AMPH: variants seen among roughly 807,000 people sequenced by gnomAD.
The protein encoded by AMPH is amphiphysin (Stiff-Mann syndrome with breast cancer 128kD autoantigen).
Under a neutral mutation model 99.1 loss-of-function variants are expected in AMPH, and 49 were observed. The ratio of observed to expected loss-of-function variants is 0.49; its 90% CI spans 0.39 to 0.63. The LOEUF is 0.63. AMPH is among the 20% of genes least tolerant of loss of function. The probability of loss-of-function intolerance (pLI) is 0.00; values close to 1 mark genes in which losing one functional copy is unlikely to be tolerated. For missense variants in AMPH, 759 were observed against 863.4 expected, an observed-to-expected ratio of 0.88 and a Z score of 1.52; for synonymous variants, 314 against 317.3, an observed-to-expected ratio of 0.99 and a Z score of 0.11.
chr7:38,510,175 C>T (rs899856991), intron 2 of AMPH, among the ~76,000 whole-genome samples: 4 of 152,118 alleles, frequency 2.6e-5, no homozygotes, highest in East Asian at 1.9e-4. Context: ...AGTTTCCCCC[C>T]GTGGCCTCTC....
At chr7:38,597,093 C>T (rs1235928747) in intron 1 of AMPH, among the ~76,000 whole-genome samples, 1 of 152,130 alleles carries the variant, frequency 6.6e-6, no homozygotes, top group Non-Finnish European at 1.5e-5. Context: ...AACCTCTGAG[C>T]TGACTATCAA....
intron 1 of AMPH, among the ~76,000 whole-genome samples, chr7:38,560,675 ATGTT>A (rs1385588841): frequency 6.6e-6 from 1 of 152,158 alleles, no homozygotes; most frequent in Non-Finnish European, 1.5e-5. Flanking sequence ...AGCACAATGC[ATGTT>A]TGTTTGTTTT....
intron 11 of AMPH, among the ~76,000 whole-genome samples, chr7:38,447,739 AACAG>A (rs3056234): frequency 0.091 from 12,984 of 143,152 alleles, 761 homozygotes; most frequent in Middle Eastern, 0.18. Context: ...GCTGCATGCA[AACAG>A]ACAGATAAAC....
intron 1 of AMPH, among the ~76,000 whole-genome samples, chr7:38,595,639 G>A (rs754968823): frequency 2.0e-5 from 3 of 152,170 alleles, no homozygotes; most frequent in Non-Finnish European, 4.4e-5. Context: ...ATTGCTTGAT[G>A]CTAAGGTTTG....
intron 12 of AMPH, among the ~76,000 whole-genome samples, chr7:38,434,018 G>A (rs1255261795): frequency 6.6e-6 from 1 of 152,108 alleles, no homozygotes; most frequent in African/African-American, 2.4e-5. Flanking sequence ...ACCTAACAGT[G>A]CTATGCTTTT....
chr7:38,496,466 G>A (rs1169288320), intron 3 of AMPH, among the ~76,000 whole-genome samples: 1 of 152,080 alleles, frequency 6.6e-6, no homozygotes, highest in African/African-American at 2.4e-5. Flanking sequence ...ACCATCGGAC[G>A]AAGCCCTTGC....
At chr7:38,449,975 T>C (rs1228896990) in intron 11 of AMPH, among the ~76,000 whole-genome samples, 1 of 152,190 alleles carries the variant, frequency 6.6e-6, no homozygotes, top group Non-Finnish European at 1.5e-5. Flanking sequence ...TCAGTTCAAT[T>C]GGCTAGGGAA....
intron 2 of AMPH, among the ~76,000 whole-genome samples, chr7:38,507,235 A>AT (rs1009263284): frequency 3.3e-5 from 5 of 152,268 alleles, no homozygotes; most frequent in South Asian, 2.1e-4. Flanking sequence ...TCTAGAAGAG[A>AT]TTTTTTATAT....
chr7:38,408,750 CAAA>C (rs66957354), intron 17 of AMPH, among the ~76,000 whole-genome samples: 5,794 of 100,760 alleles, frequency 0.058, 317 homozygotes, highest in East Asian at 0.37. Context: ...GACTCCATCA[CAAA>C]AAAAAAAAAA....
intron 1 of AMPH, among the ~76,000 whole-genome samples, chr7:38,605,621 G>A (rs13241411): frequency 0.56 from 84,388 of 151,940 alleles, 24,004 homozygotes; most frequent in African/African-American, 0.6. Context: ...TTGTCCCCAA[G>A]CAGGAGTGCA....
Position 38,394,199 on chromosome 7 carries a change from C to A in AMPH, c.1414G>T (p.Asp472Tyr). 1 of 1,614,184 alleles carries A rather than the reference C, an allele frequency of 6.2e-7. No homozygotes were observed. The highest frequency in any genetic ancestry group is 1.3e-5 in the African/African-American group (1 of 75,066). Residue 472 changes from aspartate to tyrosine, a missense_variant, in exon 18 of 21, where the codon GAT becomes TAT. Asp to Tyr is a radical substitution (Grantham distance 160). Transcript: ENST00000356264. ...AAGGTTCCAACAGCTGCATCAGCATCAGCTCCAGGTATGATCTGCAGGGCA... is the reference window on the plus strand; with the variant it reads ...AAGGTTCCAACAGCTGCATCAGCATAAGCTCCAGGTATGATCTGCAGGGCA... ...VEEAVIIPGADADAAVGTLVS... is the reference protein window; with the variant it reads ...VEEAVIIPGAYADAAVGTLVS...
At chr7:38,473,816 T>A (rs1787985220) in intron 7 of AMPH, among the ~76,000 whole-genome samples, 1 of 147,142 alleles carries the variant, frequency 6.8e-6, no homozygotes, top group Non-Finnish European at 1.5e-5. Context: ...TAGCATCATA[T>A]AATTTGTGAT....
chr7:38,417,854 G>A lies in AMPH; in HGVS notation c.1369C>T (p.Arg457Trp), dbSNP rs201059599. The A allele has an allele frequency of 2.4e-5, 38 of 1,613,970 alleles. No homozygotes were observed. The highest frequency in any genetic ancestry group is 2.9e-5 in the Non-Finnish European group (34 of 1,179,972). The stretch of plus-strand genomic sequence containing the variant: ...GCCTCCTCCACTGGCTCCTCAGCCC[G>A]AGTGTCCATTCCAAGGTCCAGACCA... ...AVGLDLGMDT[R>W]AEEPVEEAVI... The change falls in exon 17 of 21, where the codon CGG (arginine) becomes TGG (tryptophan). Residue 457 changes from arginine (R) to tryptophan (W), a missense_variant. This residue lies in a region of AMPH where 554 missense variants were observed against 575.6 expected (regional missense o/e 0.96). Coordinates refer to ENST00000356264, the MANE Select transcript of AMPH (RefSeq NM_001635.4).
At chr7:38,447,183 T>C (rs2276538) in intron 11 of AMPH, among the ~76,000 whole-genome samples, 8,617 of 152,076 alleles carry the variant, frequency 0.057, 634 homozygotes, top group East Asian at 0.35. Context: ...CCATGCCCAG[T>C]CAATTTTGTA....
At chr7:38,407,734 T>G (rs1050206310) in intron 17 of AMPH, among the ~76,000 whole-genome samples, 3 of 152,182 alleles carry the variant, frequency 2.0e-5, no homozygotes, top group African/African-American at 7.2e-5. Context: ...ATGATATTCT[T>G]CCATGGCTAT....
chr7:38,577,148 A>G (rs971589893), intron 1 of AMPH, among the ~76,000 whole-genome samples: 9 of 152,214 alleles, frequency 5.9e-5, no homozygotes, highest in African/African-American at 2.2e-4. Flanking sequence ...ATGCTACTTT[A>G]TTATAATTTT....
chr7:38,452,005 T>C (rs1787056629), intron 11 of AMPH, among the ~76,000 whole-genome samples: 1 of 152,120 alleles, frequency 6.6e-6, no homozygotes, highest in African/African-American at 2.4e-5. Context: ...CTATGCTACA[T>C]TTAAAGTTTG....
At chr7:38,581,606 G>C (rs1441514285) in intron 1 of AMPH, among the ~76,000 whole-genome samples, 1 of 152,148 alleles carries the variant, frequency 6.6e-6, no homozygotes, top group African/African-American at 2.4e-5. Context: ...CCTTTTAACA[G>C]GAACAGACTG....
chr7:38,530,589 A>T (rs945843541), intron 2 of AMPH, among the ~76,000 whole-genome samples: 1 of 152,236 alleles, frequency 6.6e-6, no homozygotes, highest in Non-Finnish European at 1.5e-5. Context: ...GGGCTCAACC[A>T]GCCCTCAAGG....
Sources: gnomAD v4.1 joint callset for allele counts (sites outside exome capture counted in the v4.1 genomes callset) on GRCh38, gnomAD v4.1.1 for gene constraint, gnomAD v4.1.1 regional missense constraint, MANE v1.5 for transcripts, NCBI Gene and HGNC (gene_info 2026-07-23, HGNC 2026-07-21) for gene names.